Variants in ZFTRAF1 observed in about 807,000 individuals in gnomAD.
The protein encoded by ZFTRAF1 is zinc finger TRAF-type and ring finger containing 1, also known as zinc finger TRAF-type-containing protein 1.
chr8:144,462,221 G>T, the ZFTRAF1 span: 14 of 470,932 alleles, frequency 3.0e-5, no homozygotes, highest in Non-Finnish European at 4.5e-5. Context: ...CGGATCCTGG[G>T]GCCCCGCGGC....
chr8:144,455,754 C>T, the ZFTRAF1 span: 2 of 152,278 alleles, frequency 1.3e-5, no homozygotes, highest in African/African-American at 2.4e-5. Flanking sequence ...TCTAATGCCA[C>T]CCACCAAGGC....
At chr8:144,450,386 T>C in the ZFTRAF1 span, 1 of 714,466 alleles carries the variant, frequency 1.4e-6, no homozygotes, top group Non-Finnish European at 2.6e-6. Flanking sequence ...GCCCTACTTC[T>C]GTATCTGGAA....
chr8:144,456,973 G>A, the ZFTRAF1 span: 5 of 145,682 alleles, frequency 3.4e-5, no homozygotes, highest in African/African-American at 1.0e-4. Flanking sequence ...ATCAAAGGGA[G>A]TATTGACATT....
the ZFTRAF1 span, chr8:144,454,653 G>C: frequency 6.6e-6 from 1 of 152,324 alleles, no homozygotes; most frequent in Non-Finnish European, 1.5e-5. Flanking sequence ...TGGTGCAGCA[G>C]AGCAGCCTGC....
the ZFTRAF1 span, among the ~76,000 whole-genome samples, chr8:144,461,267 G>A: frequency 6.6e-6 from 1 of 152,234 alleles, no homozygotes; most frequent in South Asian, 2.1e-4. Flanking sequence ...GGCCCCATTA[G>A]CTACTTCCAG....
the ZFTRAF1 span, chr8:144,456,969 G>A: frequency 6.8e-6 from 1 of 147,882 alleles, no homozygotes; most frequent in Non-Finnish European, 1.5e-5. Flanking sequence ...TGACATCAAA[G>A]GGAGTATTGA....
At chr8:144,461,141 G>T in the ZFTRAF1 span, among the ~76,000 whole-genome samples, 1 of 152,206 alleles carries the variant, frequency 6.6e-6, no homozygotes, top group African/African-American at 2.4e-5. Flanking sequence ...GCCACAGCAA[G>T]AAGGACTTGG....
chr8:144,460,634 G>C, the ZFTRAF1 span, among the ~76,000 whole-genome samples: 1 of 152,252 alleles, frequency 6.6e-6, no homozygotes, highest in Non-Finnish European at 1.5e-5. Context: ...TGTAATCTCA[G>C]CACTTCAGAA....
At chr8:144,453,547 G>A in the ZFTRAF1 span, 18 of 1,228,154 alleles carry the variant, frequency 1.5e-5, no homozygotes, top group Middle Eastern at 1.9e-4. Flanking sequence ...CTCCAGCCAG[G>A]TGTCCTGAGG....
At chr8:144,462,350 T>C in the ZFTRAF1 span, 1 of 496,076 alleles carries the variant, frequency 2.0e-6, no homozygotes, top group South Asian at 2.9e-5. Context: ...GAGCCGCTCC[T>C]CCAGTTTCCC....
At chr8:144,450,040 G>C in the ZFTRAF1 span, 7 of 337,194 alleles carry the variant, frequency 2.1e-5, no homozygotes, top group Non-Finnish European at 5.6e-6. Flanking sequence ...CAGCACCGCC[G>C]CCTGACTGCA....
At chr8:144,460,341 C>T in the ZFTRAF1 span, among the ~76,000 whole-genome samples, 2 of 152,246 alleles carry the variant, frequency 1.3e-5, no homozygotes, top group Admixed American at 6.5e-5. Context: ...CAGTGCAGGC[C>T]GGTTTGAACC....
the ZFTRAF1 span, chr8:144,450,868 G>T: frequency 3.3e-6 from 2 of 606,834 alleles, no homozygotes; most frequent in Non-Finnish European, 6.0e-6. Context: ...GGCTCAGCCG[G>T]GGAGGAAGGC....
At chr8:144,454,349 G>A in the ZFTRAF1 span, 2 of 152,350 alleles carry the variant, frequency 1.3e-5, no homozygotes, top group Non-Finnish European at 2.9e-5. Flanking sequence ...CCAGAACCAA[G>A]AGGTCCAAGA....
the ZFTRAF1 span, chr8:144,456,076 T>C: frequency 2.0e-5 from 3 of 152,420 alleles, no homozygotes; most frequent in Admixed American, 6.5e-5. Context: ...ACAGGGCCAT[T>C]GCCCCTTCAG....
At chr8:144,455,356 C>T in the ZFTRAF1 span, 1 of 152,186 alleles carries the variant, frequency 6.6e-6, no homozygotes, top group Non-Finnish European at 1.5e-5. Context: ...TACACAGTTG[C>T]CTGAGGCAGG....
the ZFTRAF1 span, among the ~76,000 whole-genome samples, chr8:144,459,385 A>G: frequency 6.6e-6 from 1 of 152,368 alleles, no homozygotes; most frequent in Non-Finnish European, 1.5e-5. Context: ...GAACATATCT[A>G]ACACCCACAC....
chr8:144,454,006 TACCTGCA>T, the ZFTRAF1 span: 1 of 154,714 alleles, frequency 6.5e-6, no homozygotes, highest in Admixed American at 6.3e-5. Context: ...GGAGGTTGGC[TACCTGCA>T]GAGACCTCCT....
At chr8:144,458,463 A>T in the ZFTRAF1 span, among the ~76,000 whole-genome samples, 1 of 152,176 alleles carries the variant, frequency 6.6e-6, no homozygotes, top group Admixed American at 6.5e-5. Context: ...GCAGTCCTGT[A>T]CTGCTGCCCA....
Sources: allele counts gnomAD v4.1 joint callset (sites outside exome capture counted in the v4.1 genomes callset), GRCh38; gene constraint gnomAD v4.1.1; transcripts MANE v1.5; gene names NCBI Gene and HGNC (gene_info 2026-07-23, HGNC 2026-07-21).